Variants in PTDSS1 observed in about 807,000 individuals in gnomAD.
PTDSS1 encodes PSS-1.
Under a neutral mutation model 70.5 loss-of-function variants are expected in PTDSS1, and 45 were observed. The ratio of observed to expected loss-of-function variants is 0.64; its 90% CI spans 0.50 to 0.82. The LOEUF (loss-of-function observed/expected upper bound fraction) is 0.82. PTDSS1 is among the 40% of genes least tolerant of loss of function. The pLI is 0.00. For synonymous variants in PTDSS1, 188 were observed against 203.8 expected (o/e 0.92, Z 0.66); for missense variants, 417 against 586.1 (o/e 0.71, Z 2.98).
Position 96,279,918 on chromosome 8 carries a change from A to G in PTDSS1, c.272-4191A>G, listed in dbSNP as rs925768820. Among the ~76,000 whole-genome samples, 5 of 152,308 alleles carry G rather than the reference A, an allele frequency of 3.3e-5. No homozygotes were observed. The East Asian group carries it at 9.6e-4, about 29-fold the overall frequency. On this transcript the variant is annotated intron_variant, in intron 2 of 12. Coordinates refer to ENST00000517309, the MANE Select transcript of PTDSS1 (RefSeq NM_014754.3). ...TTTTTTCACCTTCTCAAATTTTCCT[A>G]GAAGAACTCTAACTAATAATAATCA...
At chr8:96,282,174 C>T (rs1416689252) in intron 2 of PTDSS1, among the ~76,000 whole-genome samples, 1 of 152,076 alleles carries the variant, frequency 6.6e-6, no homozygotes, top group Non-Finnish European at 1.5e-5. Context: ...ATTTACAAGC[C>T]AGGCAGCCAC....
At chr8:96,302,350 G>C (rs958554803) in intron 6 of PTDSS1, among the ~76,000 whole-genome samples, 1 of 151,910 alleles carries the variant, frequency 6.6e-6, no homozygotes, top group African/African-American at 2.4e-5. Context: ...ATATATTTAA[G>C]GCAGCATTTA....
chr8:96,296,224 C>T (rs1190948740), intron 5 of PTDSS1, among the ~76,000 whole-genome samples: 3 of 150,544 alleles, frequency 2.0e-5, no homozygotes, highest in African/African-American at 4.9e-5. Flanking sequence ...CTGCAAGCTC[C>T]GCCTCCTGGG....
At chr8:96,280,477 G>A in intron 2 of PTDSS1, among the ~76,000 whole-genome samples, 1 of 151,932 alleles carries the variant, frequency 6.6e-6, no homozygotes, top group Admixed American at 6.6e-5. Context: ...AGCTGAGATT[G>A]AAGCCTGCAG....
chr8:96,316,777 G>A (rs924641002), intron 9 of PTDSS1, among the ~76,000 whole-genome samples: 5 of 152,050 alleles, frequency 3.3e-5, no homozygotes, highest in Admixed American at 2.0e-4. Flanking sequence ...GGCGGATCAC[G>A]AGGTCAGGAG....
intron 4 of PTDSS1, 95 bp downstream of exon 4, chr8:96,287,241 G>A: frequency 6.7e-7 from 1 of 1,489,916 alleles, no homozygotes; most frequent in South Asian, 1.3e-5. Flanking sequence ...TTCCTTCTCT[G>A]TATTTCCTGT....
At chr8:96,314,800 G>T (rs1276823776) in intron 9 of PTDSS1, among the ~76,000 whole-genome samples, 3 of 152,084 alleles carry the variant, frequency 2.0e-5, no homozygotes, top group African/African-American at 7.2e-5. Flanking sequence ...GTTTCACCAT[G>T]TTAGCCAGGA....
intron 10 of PTDSS1, among the ~76,000 whole-genome samples, chr8:96,323,355 G>A (rs1811397986): frequency 6.6e-6 from 1 of 152,248 alleles, no homozygotes; most frequent in Admixed American, 6.5e-5. Context: ...CACTGCCCCT[G>A]TGGCAGGTTT....
chr8:96,281,991 G>A (rs538522980), intron 2 of PTDSS1, among the ~76,000 whole-genome samples: 38 of 152,278 alleles, frequency 2.5e-4, no homozygotes, highest in Non-Finnish European at 5.1e-4. Flanking sequence ...GACTCCTGTC[G>A]TTATGATTGC....
chr8:96,270,071 G>C (rs1810543193), intron 1 of PTDSS1, among the ~76,000 whole-genome samples: 1 of 152,166 alleles, frequency 6.6e-6, no homozygotes, highest in South Asian at 2.1e-4. Flanking sequence ...TAAGTAATCT[G>C]CCCAAGGTCA....
chr8:96,291,056 T>C (rs73271866), intron 4 of PTDSS1, among the ~76,000 whole-genome samples: 4,071 of 152,086 alleles, frequency 0.027, 176 homozygotes, highest in African/African-American at 0.092. Context: ...AATATGTCTT[T>C]AAGCTTCAAT....
chr8:96,299,975 T>G, intron 6 of PTDSS1, 130 bp downstream of exon 6: 1 of 1,162,486 alleles, frequency 8.6e-7, no homozygotes, highest in South Asian at 1.7e-5. Context: ...CTGAAACTCA[T>G]AAATGATTAT....
intron 1 of PTDSS1, among the ~76,000 whole-genome samples, chr8:96,265,256 G>A (rs765952076): frequency 6.6e-6 from 1 of 152,208 alleles, no homozygotes; most frequent in Admixed American, 6.5e-5. Context: ...CTAAGAGAAC[G>A]AGGAGATAGG....
At chr8:96,328,258 C>G (rs1261093456) in intron 10 of PTDSS1, among the ~76,000 whole-genome samples, 3 of 152,138 alleles carry the variant, frequency 2.0e-5, no homozygotes, top group Non-Finnish European at 2.9e-5. Flanking sequence ...CCTAACCCCC[C>G]CAGTCCGCTG....
chr8:96,330,986 G>A, intron 11 of PTDSS1, 40 bp from the exon 12 acceptor site: 1 of 1,554,010 alleles, frequency 6.4e-7, no homozygotes, highest in South Asian at 1.1e-5. Flanking sequence ...CTCCCAGGGA[G>A]TTCCTAAAAT....
At chr8:96,276,972 A>ACG (rs377294157) in intron 2 of PTDSS1, among the ~76,000 whole-genome samples, 12 of 129,748 alleles carry the variant, frequency 9.2e-5, no homozygotes, top group East Asian at 2.6e-4. Context: ...ACACGCGCGC[A>ACG]CGCGCGCGCA....
intron 3 of PTDSS1, among the ~76,000 whole-genome samples, chr8:96,286,471 TG>T (rs1446419988): frequency 6.6e-6 from 1 of 152,222 alleles, no homozygotes; most frequent in Non-Finnish European, 1.5e-5. Context: ...AACCTTACAC[TG>T]GTAGTACTGT....
chr8:96,318,217 C>T (rs963558990), intron 9 of PTDSS1, among the ~76,000 whole-genome samples: 1 of 151,776 alleles, frequency 6.6e-6, no homozygotes, highest in Non-Finnish European at 1.5e-5. Context: ...CCCAGCTACT[C>T]GGGAGGTTGA....
At chr8:96,313,763 G>A (rs1811245784) in intron 9 of PTDSS1, among the ~76,000 whole-genome samples, 1 of 152,170 alleles carries the variant, frequency 6.6e-6, no homozygotes, top group Non-Finnish European at 1.5e-5. Flanking sequence ...CTCTGCTAAT[G>A]TGTCCATCAC....
Sources: allele counts gnomAD v4.1 joint callset (sites outside exome capture counted in the v4.1 genomes callset), GRCh38; gene constraint gnomAD v4.1.1; transcripts MANE v1.5; gene names NCBI Gene and HGNC (gene_info 2026-07-23, HGNC 2026-07-21).